RCSD1: variants seen among roughly 807,000 people sequenced by gnomAD.
RCSD1 encodes capZ-interacting protein.
RCSD1 carries 26 observed loss-of-function variants against 42.5 expected under a neutral mutation model. The observed-to-expected ratio is 0.61, with a 90% CI of 0.45 to 0.85. The LOEUF (loss-of-function observed/expected upper bound fraction) is 0.85. Among genes scored for constraint, RCSD1 ranks in the 40% least tolerant of loss-of-function variants. The pLI is 0.00. For missense variants in RCSD1, 571 were observed against 528.3 expected, an observed-to-expected ratio of 1.08 and a Z score of -0.79; for synonymous variants, 220 against 212.2, an observed-to-expected ratio of 1.04 and a Z score of -0.32.
chr1:167,653,256 G>C (rs1264222715), intron 1 of RCSD1, among the ~76,000 whole-genome samples: 2 of 152,154 alleles, frequency 1.3e-5, no homozygotes, highest in South Asian at 4.1e-4. Context: ...ATCTCCTTTA[G>C]TTGCTTTCTG....
intron 1 of RCSD1, among the ~76,000 whole-genome samples, chr1:167,653,942 G>A (rs1658366510): frequency 6.6e-6 from 1 of 152,154 alleles, no homozygotes; most frequent in Admixed American, 6.5e-5. Context: ...AAGAGCAGGG[G>A]CCTGGAATTG....
At chr1:167,677,718 T>A (rs1261942459) in intron 1 of RCSD1, among the ~76,000 whole-genome samples, 2 of 152,196 alleles carry the variant, frequency 1.3e-5, no homozygotes, top group Non-Finnish European at 2.9e-5. Context: ...AGCAATCTGA[T>A]ATGCATTTGT....
intron 1 of RCSD1, among the ~76,000 whole-genome samples, chr1:167,646,035 G>A (rs1475415643): frequency 2.0e-5 from 3 of 152,218 alleles, no homozygotes; most frequent in East Asian, 1.9e-4. Flanking sequence ...ATGAAGCTGC[G>A]AAACCAACTG....
At chr1:167,663,904 T>C (rs1658595911) in intron 1 of RCSD1, 1 of 152,238 alleles carries the variant, frequency 6.6e-6, no homozygotes. Flanking sequence ...CAATATCTCA[T>C]TTGGGCTTTA....
intron 1 of RCSD1, among the ~76,000 whole-genome samples, chr1:167,674,455 TA>T (rs58205186): frequency 0.12 from 17,682 of 152,178 alleles, 2,211 homozygotes; most frequent in African/African-American, 0.32. Flanking sequence ...TGACAATTTT[TA>T]AAAATAACAG....
At chr1:167,696,121 C>CA (rs2101720187) in intron 5 of RCSD1, among the ~76,000 whole-genome samples, 1 of 151,968 alleles carries the variant, frequency 6.6e-6, no homozygotes, top group South Asian at 2.1e-4. Context: ...AGCTGGTCAC[C>CA]AGGTCTCCAG....
At chr1:167,677,740 A>T (rs1019752829) in intron 1 of RCSD1, among the ~76,000 whole-genome samples, 1 of 152,226 alleles carries the variant, frequency 6.6e-6, no homozygotes, top group Non-Finnish European at 1.5e-5. Flanking sequence ...TCAGGTGAGC[A>T]GGAGACTGAC....
At chr1:167,637,297 T>C (rs1280621941) in intron 1 of RCSD1, among the ~76,000 whole-genome samples, 1 of 152,122 alleles carries the variant, frequency 6.6e-6, no homozygotes, top group African/African-American at 2.4e-5. Flanking sequence ...ATTTGAGGAC[T>C]AGATGGGGAG....
Position 167,704,701 on chromosome 1 carries a change from C to T in RCSD1, c.*5C>T. 1.2e-6 allele frequency: 2 copies of T among 1,612,514 alleles called. No individual in the cohort carries two copies. Among genetic ancestry groups the T allele is most frequent in the Non-Finnish European group, 8.5e-7 (1 of 1,178,796 alleles). ...GTCCAGGACACTAAAATGTGAAGAA[C>T]AGCTCATTGTGCCCCAGTGATGAAG... On this transcript the variant is annotated 3_prime_UTR_variant, in exon 7 of 7. Transcript: ENST00000367854.
chr1:167,644,195 T>C (rs1658072594), intron 1 of RCSD1, among the ~76,000 whole-genome samples: 1 of 152,052 alleles, frequency 6.6e-6, no homozygotes, highest in African/African-American at 2.4e-5. Context: ...AGAAATATGT[T>C]TTGGCTGGGC....
At chr1:167,631,207 T>C (rs1011469387) in intron 1 of RCSD1, among the ~76,000 whole-genome samples, 2 of 152,182 alleles carry the variant, frequency 1.3e-5, no homozygotes, top group Non-Finnish European at 2.9e-5. Flanking sequence ...AGAGGAGTGG[T>C]TGGGTGTATT....
intron 3 of RCSD1, among the ~76,000 whole-genome samples, chr1:167,688,436 T>A (rs1481408729): frequency 6.6e-6 from 1 of 152,050 alleles, no homozygotes; most frequent in Non-Finnish European, 1.5e-5. Flanking sequence ...TTTATACTCA[T>A]CCTAGATAAA....
rs1380513202 is a variant in RCSD1, at chr1:167,685,519, T to C, written c.198+9T>C. Reference sequence around the variant, plus strand: ...GCCAGAATGGTGAGGAGGTAAGTGCTGCTGTTGGGGCTCAGAGGATGCTGT... The same window carrying C: ...GCCAGAATGGTGAGGAGGTAAGTGCCGCTGTTGGGGCTCAGAGGATGCTGT... On this transcript the variant is annotated intron_variant, in intron 3 of 6. Transcript: ENST00000367854. 1 of 1,610,878 alleles carries C rather than the reference T, an allele frequency of 6.2e-7. No individual in the cohort carries two copies.
At chr1:167,649,743 G>A (rs1658258144) in intron 1 of RCSD1, among the ~76,000 whole-genome samples, 1 of 152,166 alleles carries the variant, frequency 6.6e-6, no homozygotes, top group South Asian at 2.1e-4. Flanking sequence ...TCCTCACAGG[G>A]ACAAGAATTT....
intron 4 of RCSD1, among the ~76,000 whole-genome samples, chr1:167,692,839 A>G (rs1048700018): frequency 1.8e-4 from 27 of 152,306 alleles, no homozygotes; most frequent in African/African-American, 6.0e-4. Context: ...CAAGTCCTAA[A>G]GTATACATAG....
intron 1 of RCSD1, chr1:167,641,313 G>A (rs539876643): frequency 6.6e-6 from 1 of 152,146 alleles, no homozygotes; most frequent in South Asian, 2.1e-4. Context: ...CATTGTAAAG[G>A]ATCATGCCTA....
intron 1 of RCSD1, among the ~76,000 whole-genome samples, chr1:167,656,057 T>C (rs1057445166): frequency 2.4e-4 from 37 of 152,220 alleles, no homozygotes; most frequent in African/African-American, 8.0e-4. Context: ...CATCTGTCTT[T>C]TAGAAGCAAC....
chr1:167,697,867 G>A, intron 6 of RCSD1, 25 bp downstream of exon 6: 1 of 1,449,924 alleles, frequency 6.9e-7, no homozygotes, highest in Non-Finnish European at 9.1e-7. Flanking sequence ...TCGTTCACAT[G>A]CAGAAGGCAG....
intron 5 of RCSD1, among the ~76,000 whole-genome samples, chr1:167,695,907 C>G (rs1037376818): frequency 6.6e-6 from 1 of 152,172 alleles, no homozygotes; most frequent in East Asian, 1.9e-4. Context: ...TTGACTAAGT[C>G]TGATAAGCTG....
Sources: allele counts gnomAD v4.1 joint callset (sites outside exome capture counted in the v4.1 genomes callset), GRCh38; gene constraint gnomAD v4.1.1; transcripts MANE v1.5; gene names NCBI Gene and HGNC (gene_info 2026-07-23, HGNC 2026-07-21).